Variants in MBD5 observed in about 807,000 individuals in gnomAD.
The protein encoded by MBD5 is methyl-CpG binding domain protein 5, also known as methyl-CpG-binding domain protein 5.
MBD5 carries 13 observed loss-of-function variants against 117.3 expected under a neutral mutation model. The ratio of observed to expected loss-of-function variants is 0.11; its 90% CI spans 0.07 to 0.18. The LOEUF is 0.18. Ranked by LOEUF, MBD5 falls within the 10% of genes least tolerant of loss-of-function variation. The pLI, the probability that MBD5 is intolerant of heterozygous loss-of-function variation, is 1.00. For synonymous variants in MBD5, 727 were observed against 766.4 expected (o/e 0.95, Z 0.85); for missense variants, 1,879 against 2,093.8 (o/e 0.90, Z 2.00).
At chr2:148,341,683 G>C (rs1019647459) in intron 3 of MBD5, among the ~76,000 whole-genome samples, 1 of 151,880 alleles carries the variant, frequency 6.6e-6, no homozygotes, top group Non-Finnish European at 1.5e-5. Context: ...ATAATAGAAA[G>C]AGTAGGTTTG....
At chr2:148,391,826 T>G (rs1286389073) in intron 4 of MBD5, among the ~76,000 whole-genome samples, 3 of 152,134 alleles carry the variant, frequency 2.0e-5, no homozygotes, top group Admixed American at 2.0e-4. Context: ...AACAGATAAG[T>G]TAATATTGGC....
chr2:148,424,237 GTC>G (rs1309105942), intron 4 of MBD5, among the ~76,000 whole-genome samples: 1 of 128,602 alleles, frequency 7.8e-6, no homozygotes, highest in African/African-American at 2.8e-5. Context: ...CGTAATCCTA[GTC>G]TCTGATAAAA....
chr2:148,144,929 G>A (rs560358680), intron 1 of MBD5, among the ~76,000 whole-genome samples: 26 of 152,236 alleles, frequency 1.7e-4, no homozygotes, highest in Non-Finnish European at 3.4e-4. Context: ...TTGGCAATGC[G>A]GGCTCTTTTT....
intron 3 of MBD5, among the ~76,000 whole-genome samples, chr2:148,306,993 A>T (rs543710324): frequency 6.6e-6 from 1 of 152,196 alleles, no homozygotes; most frequent in Non-Finnish European, 1.5e-5. Flanking sequence ...AAATACACCA[A>T]TGTAGGGTAA....
Position 148,468,414 on chromosome 2 carries a change from A to G in MBD5, c.471A>G (p.Thr157=), listed in dbSNP as rs138433455. 167 of 1,613,682 alleles carry G rather than the reference A, an allele frequency of 1.0e-4. 1 individual carries two copies. The highest frequency in any genetic ancestry group is 8.3e-4 in the African/African-American group (62 of 74,892). Residue 157 remains threonine (T), a synonymous_variant, in exon 8 of 14, where the codon ACA becomes ACG. Transcript: ENST00000642680. ...SVRNKSHEGI[T]NSVMPECKNP... ...GAAATAAGTCTCATGAAGGAATTAC[A>G]AATTCTGTAATGCCTGAATGTAAGA... is the stretch of plus-strand genomic sequence containing the variant.
At chr2:148,250,104 A>G (rs930318727) in intron 3 of MBD5, among the ~76,000 whole-genome samples, 4 of 152,174 alleles carry the variant, frequency 2.6e-5, no homozygotes, top group Non-Finnish European at 4.4e-5. Flanking sequence ...TTTGGCTACT[A>G]CAATTAATAT....
chr2:148,042,532 A>T (rs1265225545), intron 1 of MBD5, among the ~76,000 whole-genome samples: 2 of 152,136 alleles, frequency 1.3e-5, no homozygotes, highest in Admixed American at 6.5e-5. Flanking sequence ...CAGTTTTTAA[A>T]ATTTACCATA....
intron 4 of MBD5, among the ~76,000 whole-genome samples, chr2:148,353,728 G>A (rs1179571921): frequency 6.6e-6 from 1 of 151,666 alleles, no homozygotes; most frequent in African/African-American, 2.4e-5. Context: ...CTACAGGTGT[G>A]TGCCAGCAGG....
chr2:148,402,862 T>G (rs978769878), intron 4 of MBD5, among the ~76,000 whole-genome samples: 11 of 148,512 alleles, frequency 7.4e-5, no homozygotes, highest in African/African-American at 2.5e-4. Flanking sequence ...CAGATAGTTG[T>G]TTTTTTTTTC....
intron 1 of MBD5, among the ~76,000 whole-genome samples, chr2:148,085,095 C>T (rs1695743633): frequency 6.6e-6 from 1 of 152,180 alleles, no homozygotes; most frequent in Non-Finnish European, 1.5e-5. Flanking sequence ...GTGTAAACAA[C>T]ACAGCAGGTT....
intron 1 of MBD5, among the ~76,000 whole-genome samples, chr2:148,099,708 T>C (rs1696156413): frequency 6.6e-6 from 1 of 152,182 alleles, no homozygotes; most frequent in Non-Finnish European, 1.5e-5. Flanking sequence ...TTTGGTATAT[T>C]TTGGGTGTTC....
intron 3 of MBD5, chr2:148,295,856 A>G (rs1164738056): frequency 5.9e-6 from 1 of 170,938 alleles, no homozygotes; most frequent in Admixed American, 6.5e-5. Context: ...AGTTTCGTAC[A>G]TCAGTGAATT....
Position 148,468,437 on chromosome 2 carries a change from A to G in MBD5, c.494A>G (p.Lys165Arg). 1 of 1,613,818 alleles carries G rather than the reference A, an allele frequency of 6.2e-7. No individual in the cohort carries two copies. The highest frequency in any genetic ancestry group is 8.5e-7 in the Non-Finnish European group (1 of 1,179,810). ...GITNSVMPEC[K>R]NPFKLMIGSS... is the part of the protein sequence containing the mutation. ...ACAAATTCTGTAATGCCTGAATGTA[A>G]GAATCCTTTCAAGTTAATGATTGGA... is the stretch of plus-strand genomic sequence containing the variant. Residue 165 changes from lysine (K) to arginine (R), a missense_variant, in exon 8 of 14, where the codon AAG (lysine) becomes AGG (arginine). By Grantham distance (26) the Lys-to-Arg change is conservative. This residue lies in a region of MBD5 where 1,666 missense variants were observed against 1,792.2 expected (regional missense o/e 0.93). Transcript: ENST00000642680.
intron 3 of MBD5, among the ~76,000 whole-genome samples, chr2:148,322,984 A>C (rs2106580203): frequency 1.4e-5 from 2 of 141,064 alleles, no homozygotes; most frequent in African/African-American, 5.1e-5. Context: ...TCCCAATGCT[A>C]TCCCTCCCCA....
chr2:148,159,474 T>G (rs1042584773), intron 1 of MBD5, among the ~76,000 whole-genome samples: 1 of 152,000 alleles, frequency 6.6e-6, no homozygotes, highest in Non-Finnish European at 1.5e-5. Flanking sequence ...TTTGTAGAGA[T>G]AGGGTTTCAC....
intron 1 of MBD5, among the ~76,000 whole-genome samples, chr2:148,136,087 G>A (rs1335046312): frequency 7.2e-5 from 11 of 152,088 alleles, no homozygotes; most frequent in Admixed American, 4.6e-4. Context: ...AGTGGGGGGT[G>A]GTGGGTGTCA....
chr2:148,272,986 G>A (rs185639841), intron 3 of MBD5, among the ~76,000 whole-genome samples: 189 of 152,254 alleles, frequency 1.2e-3, no homozygotes, highest in African/African-American at 4.0e-3. Flanking sequence ...TCTAGACAAA[G>A]TACAGAATGA....
At chr2:148,145,582 G>A (rs1697436491) in intron 1 of MBD5, among the ~76,000 whole-genome samples, 1 of 152,048 alleles carries the variant, frequency 6.6e-6, no homozygotes. Context: ...ATTGGCTGTG[G>A]GTTTGTCATA....
At chr2:148,343,850 T>A (rs1703015448) in intron 4 of MBD5, among the ~76,000 whole-genome samples, 1 of 152,116 alleles carries the variant, frequency 6.6e-6, no homozygotes. Flanking sequence ...TTGTTGCAAT[T>A]GCTTTTGAGA....
Sources: allele counts gnomAD v4.1 joint callset (sites outside exome capture counted in the v4.1 genomes callset), GRCh38; gene constraint gnomAD v4.1.1; regional missense constraint gnomAD v4.1.1; transcripts MANE v1.5; gene names NCBI Gene and HGNC (gene_info 2026-07-23, HGNC 2026-07-21).